The following SDK1 variants were observed in gnomAD, a reference collection of about 807,000 sequenced individuals.
The protein encoded by SDK1 is protein sidekick-1.
SDK1 carries 157 observed loss-of-function variants against 245.5 expected under a neutral mutation model. That is an observed-to-expected ratio of 0.64 (90% CI 0.56 to 0.73). SDK1 has a LOEUF of 0.73. Ranked by LOEUF, SDK1 falls within the 30% of genes least tolerant of loss-of-function variation. The pLI, the probability that SDK1 is intolerant of heterozygous loss-of-function variation, is 0.00. For synonymous variants in SDK1, 1,647 were observed against 1,278.5 expected, an observed-to-expected ratio of 1.29 and a Z score of -6.15; for missense variants, 3,583 against 3,002.3, an observed-to-expected ratio of 1.19 and a Z score of -4.52.
intron 1 of SDK1, among the ~76,000 whole-genome samples, chr7:3,534,053 A>C (rs1009104762): frequency 2.6e-5 from 4 of 152,168 alleles, no homozygotes; most frequent in Non-Finnish European, 5.9e-5. Flanking sequence ...TTTGATTAGC[A>C]AATCCCTGCA....
At chr7:3,556,397 G>C (rs1779588808) in intron 1 of SDK1, among the ~76,000 whole-genome samples, 1 of 152,098 alleles carries the variant, frequency 6.6e-6, no homozygotes, top group Non-Finnish European at 1.5e-5. Context: ...GGTTCCCTGA[G>C]GCTGGAAAAG....
chr7:3,514,889 C>G (rs1782692234), intron 1 of SDK1, among the ~76,000 whole-genome samples: 1 of 152,202 alleles, frequency 6.6e-6, no homozygotes, highest in African/African-American at 2.4e-5. Context: ...TGCGCTCTCT[C>G]TCTCTTTCTC....
At chr7:3,943,882 G>GT (rs530177341) in intron 5 of SDK1, among the ~76,000 whole-genome samples, 89 of 152,238 alleles carry the variant, frequency 5.8e-4, no homozygotes, top group African/African-American at 2.0e-3. Flanking sequence ...CTTTATTCCT[G>GT]TAACTACAAA....
Position 3,375,591 on chromosome 7 carries a change from C to G in SDK1, c.298+73707C>G, listed in dbSNP as rs376898709. ...GACATTGTAACCTCTGTCTTGTGCTCCCTTGCATCATTTGCTCTTGGGGGA... is the reference window on the plus strand; with the variant it reads ...GACATTGTAACCTCTGTCTTGTGCTGCCTTGCATCATTTGCTCTTGGGGGA... On this transcript the variant is annotated intron_variant, in intron 1 of 44. Coordinates refer to ENST00000404826, the MANE Select transcript of SDK1 (RefSeq NM_152744.4). Among the ~76,000 whole-genome samples the G allele has an allele frequency of 1.2e-3, 180 of 152,250 alleles. 2 individuals are homozygous for G. Among genetic ancestry groups the G allele is most frequent in the African/African-American group, 3.4e-3 (143 of 41,542 alleles).
At chr7:3,988,148 T>TAA (rs1784022163) in intron 14 of SDK1, among the ~76,000 whole-genome samples, 1 of 146,654 alleles carries the variant, frequency 6.8e-6, no homozygotes, top group African/African-American at 2.5e-5. Context: ...TTTTTTTTTT[T>TAA]TTTTTTTTTA....
chr7:3,645,498 T>C (rs371923169), intron 4 of SDK1, among the ~76,000 whole-genome samples: 19 of 152,226 alleles, frequency 1.2e-4, no homozygotes, highest in African/African-American at 4.3e-4. Context: ...CAAAGACATA[T>C]AGCTTTCACA....
intron 4 of SDK1, among the ~76,000 whole-genome samples, chr7:3,725,903 G>C (rs1001152641): frequency 6.6e-6 from 1 of 152,158 alleles, no homozygotes; most frequent in African/African-American, 2.4e-5. Flanking sequence ...ATTGATTCTG[G>C]GTTAAAACAT....
intron 4 of SDK1, among the ~76,000 whole-genome samples, chr7:3,711,825 C>T (rs1785059661): frequency 1.3e-5 from 2 of 152,124 alleles, no homozygotes; most frequent in African/African-American, 2.4e-5. Flanking sequence ...AAGCTGGGGG[C>T]GTTGTGATCT....
Position 3,821,522 on chromosome 7 carries a change from G to A in SDK1, c.786G>A (p.Gln262=). The change falls in exon 5 of 45, where the codon CAG becomes CAA. Residue 262 remains glutamine (Q), a synonymous_variant. Coordinates refer to ENST00000404826, the MANE Select transcript of SDK1 (RefSeq NM_152744.4). The stretch of plus-strand genomic sequence containing the variant: ...GTGATGCCGGGGCATACTACGTGCA[G>A]GCCGTGAATGAGAAAAATGGAGAAA... The part of the protein sequence containing the change: ...TTSDAGAYYV[Q]AVNEKNGENK... 6.2e-7 allele frequency: 1 copy of A among 1,613,834 alleles called. No individual in the cohort carries two copies. The highest frequency in any genetic ancestry group is 8.5e-7 in the Non-Finnish European group (1 of 1,179,884).
At chr7:3,853,710 G>A (rs991897364) in intron 5 of SDK1, among the ~76,000 whole-genome samples, 6 of 152,032 alleles carry the variant, frequency 3.9e-5, no homozygotes, top group Non-Finnish European at 5.9e-5. Flanking sequence ...TTGGATTTTG[G>A]TCTGGCACAG....
chr7:3,807,785 T>C (rs1239949496), intron 4 of SDK1, among the ~76,000 whole-genome samples: 1 of 152,200 alleles, frequency 6.6e-6, no homozygotes, highest in African/African-American at 2.4e-5. Flanking sequence ...AGAGTCTTGA[T>C]TGTTCATGTT....
At chr7:3,582,992 C>T (rs1261729181) in intron 1 of SDK1, among the ~76,000 whole-genome samples, 2 of 152,180 alleles carry the variant, frequency 1.3e-5, no homozygotes, top group Non-Finnish European at 2.9e-5. Context: ...AAGTGTGCTG[C>T]AGAGTGCATT....
intron 19 of SDK1, among the ~76,000 whole-genome samples, chr7:4,067,517 C>T (rs1378909643): frequency 6.6e-6 from 1 of 152,178 alleles, no homozygotes; most frequent in African/African-American, 2.4e-5. Context: ...GGCAGTTGCT[C>T]TTGAGAATCC....
intron 22 of SDK1, among the ~76,000 whole-genome samples, chr7:4,081,580 C>G (rs1304810494): frequency 1.3e-5 from 2 of 152,048 alleles, no homozygotes; most frequent in African/African-American, 4.8e-5. Flanking sequence ...GCCACCCACC[C>G]AGCCAATTTT....
At chr7:4,041,251 G>A (rs1017575276) in intron 17 of SDK1, among the ~76,000 whole-genome samples, 1 of 151,416 alleles carries the variant, frequency 6.6e-6, no homozygotes, top group Non-Finnish European at 1.5e-5. Context: ...ACCGGGTTCA[G>A]AAAGTTTACA....
At chr7:4,157,893 T>A (rs1780870132) in intron 30 of SDK1, among the ~76,000 whole-genome samples, 1 of 152,138 alleles carries the variant, frequency 6.6e-6, no homozygotes, top group African/African-American at 2.4e-5. Context: ...GAAGTGGACC[T>A]TAGAGAATGC....
intron 32 of SDK1, among the ~76,000 whole-genome samples, chr7:4,166,017 G>T (rs1300750917): frequency 6.6e-6 from 1 of 152,002 alleles, no homozygotes; most frequent in Non-Finnish European, 1.5e-5. Flanking sequence ...TTAAACTCCT[G>T]GACTCAAGCG....
At chr7:3,630,635 C>T (rs946472996) in intron 2 of SDK1, among the ~76,000 whole-genome samples, 2 of 151,568 alleles carry the variant, frequency 1.3e-5, no homozygotes, top group Admixed American at 1.3e-4. Flanking sequence ...GACTCCATCT[C>T]AAGAAGAAAA....
At chr7:3,351,298 TG>T (rs1267981388) in intron 1 of SDK1, among the ~76,000 whole-genome samples, 1 of 152,142 alleles carries the variant, frequency 6.6e-6, no homozygotes, top group Non-Finnish European at 1.5e-5. Flanking sequence ...TAATAAAAAT[TG>T]GTGAATCATT....
Sources: allele counts gnomAD v4.1 joint callset (sites outside exome capture counted in the v4.1 genomes callset), GRCh38; gene constraint gnomAD v4.1.1; transcripts MANE v1.5; gene names NCBI Gene and HGNC (gene_info 2026-07-23, HGNC 2026-07-21).